AGAP1: variants seen among roughly 807,000 people sequenced by gnomAD.
AGAP1 encodes ArfGAP with GTPase domain, ankyrin repeat and PH domain 1.
AGAP1 carries 29 observed loss-of-function variants against 105.3 expected under a neutral mutation model. The observed-to-expected ratio is 0.28, with a 90% CI of 0.21 to 0.38. The LOEUF (loss-of-function observed/expected upper bound fraction) is 0.38, where lower values mean the gene tolerates loss of function less well. Among genes scored for constraint, AGAP1 ranks in the 10% least tolerant of loss-of-function variants. AGAP1 has a pLI of 1.00. For synonymous variants in AGAP1, 509 were observed against 485.9 expected, an observed-to-expected ratio of 1.05 and a Z score of -0.63; for missense variants, 998 against 1,165.1, an observed-to-expected ratio of 0.86 and a Z score of 2.09.
intron 1 of AGAP1, among the ~76,000 whole-genome samples, chr2:235,545,601 C>A (rs983641123): frequency 6.6e-6 from 1 of 152,168 alleles, no homozygotes; most frequent in African/African-American, 2.4e-5. Context: ...GGCCCGTGGG[C>A]GTCACTGCCC....
chr2:235,946,015 C>G (rs549684064), intron 12 of AGAP1, among the ~76,000 whole-genome samples: 2 of 152,008 alleles, frequency 1.3e-5, no homozygotes, highest in Admixed American at 1.3e-4. Context: ...AGCCCCACCG[C>G]CAGCATTGGG....
At chr2:235,928,183 G>A (rs182966911) in intron 11 of AGAP1, among the ~76,000 whole-genome samples, 28 of 152,302 alleles carry the variant, frequency 1.8e-4, no homozygotes, top group Non-Finnish European at 3.5e-4. Context: ...CCATAACAGT[G>A]TCAGCAGTGT....
At chr2:235,822,784 A>G (rs758435390) in intron 9 of AGAP1, among the ~76,000 whole-genome samples, 1 of 152,174 alleles carries the variant, frequency 6.6e-6, no homozygotes, top group African/African-American at 2.4e-5. Flanking sequence ...ACCTTCCCAG[A>G]TAGATCTGGT....
rs536837504 is a variant in AGAP1, at chr2:236,001,418, G to A, written c.1645+32795G>A. Among the ~76,000 whole-genome samples the A allele has an allele frequency of 6.6e-5, 10 of 152,344 alleles. No homozygotes were observed. Among genetic ancestry groups the A allele is most frequent in the African/African-American group, 2.2e-4 (9 of 41,588 alleles). On this transcript the variant is annotated intron_variant, in intron 13 of 17. Coordinates refer to ENST00000304032, the MANE Select transcript of AGAP1 (RefSeq NM_001037131.3). This position sits in a 1 kb window ranked among gnomAD's most constrained non-coding sequence, Gnocchi z 4.7. ...CACAGTAGGGAGCTGGGGAAGGTGT[G>A]TGGCTACTAACGTGAGCCTGTTAAC... is the stretch of plus-strand genomic sequence containing the variant.
At position 235,867,708 on chromosome 2, in the gene AGAP1, T is replaced by G. The variant is rs2049247651; in HGVS notation, c.1051-15637T>G. On this transcript the variant is annotated intron_variant, in intron 9 of 17. Coordinates refer to ENST00000304032, the MANE Select transcript of AGAP1 (RefSeq NM_001037131.3). The surrounding 1 kb of genome is among the most constrained non-coding windows in gnomAD (Gnocchi z 5.4). ...GCATAATGAGAGGGCAAAAGCAAGA[T>G]GACTAAGTGTTCGTTACGGAAAAGT... Among the ~76,000 whole-genome samples, 1 of 152,146 alleles carries G rather than the reference T, an allele frequency of 6.6e-6. No homozygotes were observed. Among genetic ancestry groups the G allele is most frequent in the Admixed American group, 6.5e-5 (1 of 15,276 alleles).
chr2:236,038,395 A>T lies in AGAP1; in HGVS notation c.1800+1680A>T, dbSNP rs2057445818. Reference sequence around the variant, plus strand: ...CCCTGCCACCTCGACCTAATTCAGGAAGATCTGGGATGGTGGCAGCCTTTC... The same window carrying T: ...CCCTGCCACCTCGACCTAATTCAGGTAGATCTGGGATGGTGGCAGCCTTTC... On this transcript the variant is annotated intron_variant, in intron 14 of 17. Transcript: ENST00000304032. This position sits in a 1 kb window ranked among gnomAD's most constrained non-coding sequence, Gnocchi z 4.5. Among the ~76,000 whole-genome samples, 1 of 152,160 alleles carries T rather than the reference A, an allele frequency of 6.6e-6. No homozygotes were observed. Among genetic ancestry groups the T allele is most frequent in the South Asian group, 2.1e-4 (1 of 4,832 alleles).
At chr2:236,108,632 A>C (rs2059564768) in intron 16 of AGAP1, among the ~76,000 whole-genome samples, 1 of 152,168 alleles carries the variant, frequency 6.6e-6, no homozygotes, top group South Asian at 2.1e-4. Context: ...AGGGGGTTCC[A>C]ATAAAAATGA....
At position 236,002,306 on chromosome 2, in the gene AGAP1, C is replaced by T. The variant is rs1451127717; in HGVS notation, c.1645+33683C>T. On this transcript the variant is annotated intron_variant, in intron 13 of 17. Coordinates refer to ENST00000304032, the MANE Select transcript of AGAP1 (RefSeq NM_001037131.3). The surrounding 1 kb of genome is among the most constrained non-coding windows in gnomAD (Gnocchi z 4.3). Reference sequence around the variant, plus strand: ...GGCTCCTGGTCCCGTCCTGGAACAGCCGGTGACTCAAAGCTCAAATATCAT... The same window carrying T: ...GGCTCCTGGTCCCGTCCTGGAACAGTCGGTGACTCAAAGCTCAAATATCAT... 6.6e-6 allele frequency among the ~76,000 whole-genome samples: 1 copy of T among 152,202 alleles called. No individual in the cohort carries two copies. Among genetic ancestry groups the T allele is most frequent in the Non-Finnish European group, 1.5e-5 (1 of 68,028 alleles).
chr2:236,023,823 T>C (rs1299070117), intron 13 of AGAP1, among the ~76,000 whole-genome samples: 1 of 152,090 alleles, frequency 6.6e-6, no homozygotes, highest in East Asian at 1.9e-4. Flanking sequence ...GACAGAACAC[T>C]GGATGGGCCT....
intron 16 of AGAP1, among the ~76,000 whole-genome samples, chr2:236,086,312 C>A (rs893952469): frequency 4.6e-5 from 7 of 152,196 alleles, no homozygotes; most frequent in Admixed American, 1.3e-4. Context: ...ACATAACTCT[C>A]TGTCTTCTTC....
intron 1 of AGAP1, among the ~76,000 whole-genome samples, chr2:235,500,062 A>G (rs576209841): frequency 6.6e-6 from 1 of 152,078 alleles, no homozygotes; most frequent in Non-Finnish European, 1.5e-5. Context: ...ACTCAGTGTC[A>G]TGTGGTGTTT....
chr2:235,930,819 CCTT>C lies in AGAP1; in HGVS notation c.1381_1383del (p.Phe461del), dbSNP rs774121530. 8 of 1,614,046 alleles carry C rather than the reference CCTT, an allele frequency of 5.0e-6. No individual in the cohort carries two copies. The highest frequency in any genetic ancestry group is 6.8e-6 in the Non-Finnish European group (8 of 1,180,050). ...ATGGCAAGCGGCATCAGCCTGGTCT[CCTT>C]CAACAGCCGACCCGACGGCATGCAC... On this transcript the variant is annotated inframe_deletion, in exon 12 of 18. Transcript: ENST00000304032. This position sits in a 1 kb window ranked among gnomAD's most constrained non-coding sequence, Gnocchi z 7.9.
intron 1 of AGAP1, among the ~76,000 whole-genome samples, chr2:235,678,849 C>G (rs77883809): frequency 1.3e-5 from 2 of 151,908 alleles, no homozygotes; most frequent in Non-Finnish European, 2.9e-5. Context: ...TTCCCACTCC[C>G]GCTCTCCTGC....
At chr2:235,520,716 C>A (rs141282411) in intron 1 of AGAP1, among the ~76,000 whole-genome samples, 1 of 152,086 alleles carries the variant, frequency 6.6e-6, no homozygotes, top group Non-Finnish European at 1.5e-5. Context: ...GAGTACCTTT[C>A]GGGTCATGTA....
chr2:235,677,754 C>T (rs569271558), intron 1 of AGAP1, among the ~76,000 whole-genome samples: 12 of 151,872 alleles, frequency 7.9e-5, no homozygotes, highest in Middle Eastern at 3.4e-3. Flanking sequence ...GAGATTGACT[C>T]GGTGAACAAT....
intron 2 of AGAP1, among the ~76,000 whole-genome samples, chr2:235,709,620 G>C (rs1274704902): frequency 3.3e-5 from 5 of 152,124 alleles, no homozygotes; most frequent in Non-Finnish European, 7.4e-5. Context: ...GGATTGATTT[G>C]TTCTTTGCAG....
At chr2:235,497,990 A>G (rs1157032512) in intron 1 of AGAP1, among the ~76,000 whole-genome samples, 1 of 152,130 alleles carries the variant, frequency 6.6e-6, no homozygotes, top group Non-Finnish European at 1.5e-5. Flanking sequence ...TCAAAACTTC[A>G]CTGTTTTCTG....
chr2:235,935,277 C>T (rs988992549), intron 12 of AGAP1, among the ~76,000 whole-genome samples: 21 of 152,196 alleles, frequency 1.4e-4, no homozygotes, highest in African/African-American at 4.3e-4. Flanking sequence ...GCTTGCAAGC[C>T]GCACGGAGGA....
chr2:235,784,758 G>A (rs1367936398), intron 6 of AGAP1, among the ~76,000 whole-genome samples: 1 of 152,110 alleles, frequency 6.6e-6, no homozygotes, highest in Non-Finnish European at 1.5e-5. Context: ...AATTCATCAT[G>A]CATCTCCTAA....
Sources: gnomAD v4.1 joint callset for allele counts (sites outside exome capture counted in the v4.1 genomes callset) on GRCh38, gnomAD v4.1.1 for gene constraint, Gnocchi (gnomAD v3.1) non-coding constraint, MANE v1.5 for transcripts, NCBI Gene and HGNC (gene_info 2026-07-23, HGNC 2026-07-21) for gene names.